The following SPG7 variants were observed in gnomAD, a reference collection of about 807,000 sequenced individuals.
The protein encoded by SPG7 is SPG7 matrix AAA peptidase subunit, paraplegin.
A neutral mutation model predicts 81.9 loss-of-function variants in SPG7; 103 were observed. That is an observed-to-expected ratio of 1.26 (90% CI 1.07 to 1.48). The LOEUF (loss-of-function observed/expected upper bound fraction) is 1.48. Among genes scored for constraint, SPG7 ranks in the 40% most tolerant of loss-of-function variants. The probability of loss-of-function intolerance (pLI) is 0.00; values close to 1 mark genes in which losing one functional copy is unlikely to be tolerated. For missense variants in SPG7, 1,241 were observed against 1,087.3 expected (o/e 1.14, Z -1.99); for synonymous variants, 534 against 444.2 (o/e 1.20, Z -2.54).
At chr16:89,541,388 C>A (rs185379322) in intron 9 of SPG7, 1 of 930,398 alleles carries the variant, frequency 1.1e-6, no homozygotes, top group Non-Finnish European at 1.3e-6. Flanking sequence ...TCCACTTGTA[C>A]GAAATTGTCA....
chr16:89,555,605 C>T (rs1899095745), intron 16 of SPG7: 1 of 334,620 alleles, frequency 3.0e-6, no homozygotes, highest in Non-Finnish European at 5.4e-6. Context: ...TTCTTAGGCT[C>T]CTCTGGGGTG....
chr16:89,532,641 G>T lies in SPG7; in HGVS notation c.1324+5G>T. 6.2e-7 allele frequency: 1 copy of T among 1,613,182 alleles called. No homozygotes were observed. Among genetic ancestry groups the T allele is most frequent in the South Asian group, 1.1e-5 (1 of 91,076 alleles). On this transcript the variant is annotated splice_donor_5th_base_variant and intron_variant, in intron 9 of 16. Coordinates refer to ENST00000645818, the MANE Select transcript of SPG7 (RefSeq NM_003119.4). ...AGCTTCTGGTAGAAATGGATGGTCA[G>T]TGCTCGTGCGCCCCGCACCCCCATT...
In SPG7 at chr16:89,508,433, C is replaced by T. The variant is rs1269380835; in HGVS notation, c.16C>T (p.Leu6=). The T allele has an allele frequency of 6.7e-7, 1 of 1,498,464 alleles. No individual in the cohort carries two copies. Among genetic ancestry groups the T allele is most frequent in the Non-Finnish European group, 8.8e-7 (1 of 1,130,926 alleles). The allele number at this position is 1,498,464 out of a possible 1,614,324, so 92.8% of individuals were successfully genotyped here. ...TCAGGCCAACATGGCCGTGCTGCTG[C>T]TGCTGCTCCGTGCCCTCCGCCGGGG... is the stretch of plus-strand genomic sequence containing the variant. MAVLL[L]LLRALRRGPG... Residue 6 remains leucine, a synonymous_variant, in exon 1 of 17, where the codon CTG becomes TTG. Coordinates refer to ENST00000645818, the MANE Select transcript of SPG7 (RefSeq NM_003119.4).
intron 16 of SPG7, chr16:89,555,411 G>A (rs1157150106): frequency 6.5e-6 from 1 of 154,356 alleles, no homozygotes; most frequent in African/African-American, 2.4e-5. Flanking sequence ...AAAAGTTGCA[G>A]GCGCGGTGCA....
intron 4 of SPG7, 113 bp downstream of exon 4, chr16:89,524,360 TCCTTTTGGATA>T (rs1567906901): frequency 8.4e-7 from 1 of 1,195,120 alleles, no homozygotes; most frequent in African/African-American, 1.5e-5. Flanking sequence ...GCTGTTGCCA[TCCTTTTGGATA>T]CCTGTGATTG....
chr16:89,509,463 A>C lies in SPG7; in HGVS notation c.183+863A>C, dbSNP rs1008346438. ...ACGGGGTTTCACCATGTTGGCCAGG[A>C]TGGTCTCCATCTCTTGACCTTGTGA... On this transcript the variant is annotated intron_variant, in intron 1 of 16. Transcript: ENST00000645818. Among the ~76,000 whole-genome samples the C allele has an allele frequency of 2.4e-4, 37 of 152,058 alleles. 1 individual carries two copies. Among genetic ancestry groups the C allele is most frequent in the African/African-American group, 8.9e-4 (37 of 41,406 alleles).
intron 5 of SPG7, chr16:89,529,243 C>T (rs1289540265): frequency 9.3e-5 from 54 of 581,838 alleles, no homozygotes; most frequent in Middle Eastern, 4.6e-4. Context: ...GCTAGATCTC[C>T]GGCATCTGCA....
Position 89,557,104 on chromosome 16 carries a change from T to A in SPG7, c.*11T>A, listed in dbSNP as rs201811837. The stretch of plus-strand genomic sequence containing the variant: ...ACTTGGCCCAAGTAGTTGGGAGGTG[T>A]TGGCTGCACGTGCGGGTGGTCCGGG... On this transcript the variant is annotated 3_prime_UTR_variant, in exon 17 of 17. Coordinates refer to ENST00000645818, the MANE Select transcript of SPG7 (RefSeq NM_003119.4). 5.0e-5 allele frequency: 80 copies of A among 1,608,626 alleles called. No individual in the cohort carries two copies. The East Asian group carries it at 1.3e-3, about 26-fold the overall frequency.
At chr16:89,550,425 G>T in intron 12 of SPG7, 69 bp from the exon 13 acceptor site, 1 of 1,081,264 alleles carries the variant, frequency 9.2e-7, no homozygotes, top group Non-Finnish European at 1.4e-6. Context: ...CGCCCGCCTT[G>T]GCCTCCCACA....
At chr16:89,542,370 A>T (rs1174322234) in intron 9 of SPG7, 1 of 152,084 alleles carries the variant, frequency 6.6e-6, no homozygotes, top group African/African-American at 2.4e-5. Flanking sequence ...CTCGTGTCAT[A>T]GTGAGACAAG....
chr16:89,537,637 C>G lies in SPG7; in HGVS notation c.1324+5001C>G, dbSNP rs565896124. On this transcript the variant is annotated intron_variant, in intron 9 of 16. Coordinates refer to ENST00000645818, the MANE Select transcript of SPG7 (RefSeq NM_003119.4). ...GCCTCCACCTCCTAGGCTCAAGCTT[C>G]CTAAGTAGTTGGGACTCAAGGCTTG... 94 of 945,158 alleles carry G rather than the reference C, an allele frequency of 9.9e-5. 1 individual carries two copies. In the African/African-American group the frequency reaches 1.6e-3, roughly 16 times the overall value. 58.5% of individuals were successfully genotyped at this position (945,158 alleles called of 1,614,324 possible).
chr16:89,518,047 T>C (rs1443240766), intron 3 of SPG7: 1 of 152,258 alleles, frequency 6.6e-6, no homozygotes, highest in African/African-American at 2.4e-5. Context: ...TGAGAACCTA[T>C]TCTGGGTTTC....
rs863224221 is a variant in SPG7, at chr16:89,553,898, G to C, written c.2041G>C (p.Glu681Gln). Residue 681 changes from glutamate (E) to glutamine (Q), a missense_variant, in exon 15 of 17, where the codon GAG (glutamate) becomes CAG (glutamine). Glu to Gln is a conservative substitution (Grantham distance 29). Coordinates refer to ENST00000645818, the MANE Select transcript of SPG7 (RefSeq NM_003119.4). ...IGPISFPEAQ[E>Q]GLMGIGRRPF... ...GCCCATCTCCTTCCCTGAGGCGCAG[G>C]AGGGCCTCATGGGCATCGGGCGGCG... 2 of 1,613,146 alleles carry C rather than the reference G, an allele frequency of 1.2e-6. No homozygotes were observed. Among genetic ancestry groups the C allele is most frequent in the Non-Finnish European group, 1.7e-6 (2 of 1,179,904 alleles).
intron 9 of SPG7, chr16:89,543,104 C>A (rs1347709064): frequency 6.6e-6 from 1 of 151,694 alleles, no homozygotes; most frequent in Admixed American, 6.6e-5. Flanking sequence ...CCCGCCACCA[C>A]GCCCAGCTAA....
Position 89,553,796 on chromosome 16 carries a change from G to A in SPG7, c.1939G>A (p.Ala647Thr). Reference protein sequence around the residue: ...ALSFNEVTSGAQDDLRKVTRI... With the variant: ...ALSFNEVTSGTQDDLRKVTRI... ...TCTGTCTCGACCCCGCCCTCCAGGG[G>A]CACAGGACGACCTGAGGAAGGTCAC... The change falls in exon 15 of 17, where the codon GCA becomes ACA. Residue 647 changes from alanine (A) to threonine (T), a missense_variant and splice_region_variant. Physicochemically the swap from Ala to Thr is moderately conservative, Grantham distance 58 (BLOSUM62 0). Transcript: ENST00000645818. 1 of 1,613,462 alleles carries A rather than the reference G, an allele frequency of 6.2e-7. No individual in the cohort carries two copies. The highest frequency in any genetic ancestry group is 8.5e-7 in the Non-Finnish European group (1 of 1,180,010).
chr16:89,528,483 G>T (rs184907051), intron 5 of SPG7: 15 of 152,088 alleles, frequency 9.9e-5, no homozygotes, highest in Admixed American at 9.8e-4. Context: ...AACAGAAGAT[G>T]GAGGGTTGGG....
intron 2 of SPG7, among the ~76,000 whole-genome samples, chr16:89,511,415 C>T (rs1306257907): frequency 1.3e-5 from 2 of 152,200 alleles, no homozygotes; most frequent in Non-Finnish European, 2.9e-5. Flanking sequence ...TCACGCTCCC[C>T]TTTATGGAGT....
Position 89,537,318 on chromosome 16 carries a change from G to A in SPG7, c.1324+4682G>A, listed in dbSNP as rs139736576. ...GAAGGGCGCAAGTCAAAGAGCACTG[G>A]AGGCACCGCCGGCGATGGACGTCCA... is the stretch of plus-strand genomic sequence containing the variant. On this transcript the variant is annotated intron_variant, in intron 9 of 16. Transcript: ENST00000645818. The A allele has an allele frequency of 3.9e-3, 4,884 of 1,238,120 alleles. 16 individuals carry two copies. The highest frequency in any genetic ancestry group is 9.0e-3 in the Middle Eastern group (28 of 3,122). 76.7% of individuals were successfully genotyped at this position (1,238,120 alleles called of 1,614,324 possible). A position where few individuals can be genotyped will look rare whatever the true frequency, so the allele number is the denominator to read the frequency against.
Position 89,518,721 on chromosome 16 carries a change from C to G in SPG7, c.377-5285C>G, listed in dbSNP as rs2058139916. 5.3e-5 allele frequency: 8 copies of G among 152,158 alleles called. No individual in the cohort carries two copies. The South Asian group carries it at 1.2e-3, about 24-fold the overall frequency. 9.4% of individuals were successfully genotyped at this position (152,158 alleles called of 1,614,324 possible). On this transcript the variant is annotated intron_variant, in intron 3 of 16. Transcript: ENST00000645818. The stretch of plus-strand genomic sequence containing the variant: ...TGATTTTTTTTTTATACAGCATTCT[C>G]TAAAGACAAAAATTAAAGAGATGGA...
Sources: allele counts gnomAD v4.1 joint callset (sites outside exome capture counted in the v4.1 genomes callset), GRCh38; gene constraint gnomAD v4.1.1; transcripts MANE v1.5; gene names NCBI Gene and HGNC (gene_info 2026-07-23, HGNC 2026-07-21).